The following PPM1J variants were observed in gnomAD, a reference collection of about 807,000 sequenced individuals.
PPM1J encodes protein phosphatase 1J.
PPM1J carries 43 observed loss-of-function variants against 53.3 expected under a neutral mutation model. That is an observed-to-expected ratio of 0.81 (90% confidence interval 0.63 to 1.04). PPM1J has a LOEUF of 1.04. Ranked by LOEUF, PPM1J falls within the 50% of genes least tolerant of loss-of-function variation. The probability of loss-of-function intolerance (pLI) is 0.00; values close to 1 mark genes in which losing one functional copy is unlikely to be tolerated. For synonymous variants in PPM1J, 267 were observed against 286.4 expected, an observed-to-expected ratio of 0.93 and a Z score of 0.68; for missense variants, 635 against 685.9, an observed-to-expected ratio of 0.93 and a Z score of 0.83.
intron 7 of PPM1J, 47 bp from the exon 8 acceptor site, chr1:112,710,898 C>A: frequency 3.1e-6 from 5 of 1,601,638 alleles, no homozygotes; most frequent in Non-Finnish European, 4.3e-6. Context: ...CTGCTAGATT[C>A]TCTGAAACCA....
chr1:112,712,300 A>G, intron 4 of PPM1J, 45 bp downstream of exon 4: 1 of 1,421,656 alleles, frequency 7.0e-7, no homozygotes, highest in Non-Finnish European at 9.7e-7. Flanking sequence ...CCCAACTCAG[A>G]GAGTGTGGCC....
chr1:112,711,245 C>G (rs1426627441), intron 6 of PPM1J, 21 bp downstream of exon 6: 1 of 1,581,400 alleles, frequency 6.3e-7, no homozygotes, highest in South Asian at 1.1e-5. Context: ...GAACGGGCCC[C>G]AGCTCTGAGG....
rs1257540905 is a variant in PPM1J at position 112,711,305 on chromosome 1, C to G, written c.1007G>C (p.Gly336Ala). ...FPRRVLPKEL[G>A]QRMLYRDQNM... ...CTGGTCCCGGTACAACATCCTCTGC[C>G]CCAGCTCCTTGGGCAGAACTCTGCG... The change falls in exon 6 of 10, where the codon GGG (glycine) becomes GCG (alanine). Residue 336 changes from glycine (G) to alanine (A), a missense_variant. Transcript: ENST00000309276. The G allele has an allele frequency of 6.2e-7, 1 of 1,608,004 alleles. No individual in the cohort carries two copies. Among genetic ancestry groups the G allele is most frequent in the East Asian group, 2.2e-5 (1 of 44,660 alleles).
chr1:112,713,637 G>A (rs748099124), intron 1 of PPM1J, 26 bp from the exon 2 acceptor site: 8 of 1,565,132 alleles, frequency 5.1e-6, no homozygotes, highest in Non-Finnish European at 7.0e-6. Context: ...GACCACATCA[G>A]GTTGGACACC....
Position 112,715,165 on chromosome 1 carries a change from G to A in PPM1J, c.137C>T (p.Pro46Leu), listed in dbSNP as rs1255505247. The A allele has an allele frequency of 9.2e-6, 14 of 1,523,212 alleles. 1 individual carries two copies. In the South Asian group the frequency reaches 1.7e-4, roughly 19 times the overall value. 94.4% of individuals were successfully genotyped at this position (1,523,212 alleles called of 1,614,324 possible). ...GCTCCCGCTCCCAGCCTTCGCGGGA[G>A]GGCTCCTGGGCGCTTCTGGAGCGGC... ...PAAAPEAPRSPPAKAGSGSAT... is the reference protein window; with the variant it reads ...PAAAPEAPRSLPAKAGSGSAT... Residue 46 changes from proline to leucine, a missense_variant, in exon 1 of 10, where the codon CCT becomes CTT. Coordinates refer to ENST00000309276, the MANE Select transcript of PPM1J (RefSeq NM_005167.7). This position sits in a 1 kb window ranked among gnomAD's most constrained non-coding sequence, Gnocchi z 4.4.
Position 112,710,553 on chromosome 1 carries a change from C to T in PPM1J, c.1277G>A (p.Gly426Glu), listed in dbSNP as rs1391823572. 1 of 1,614,210 alleles carries T rather than the reference C, an allele frequency of 6.2e-7. No individual in the cohort carries two copies. Among genetic ancestry groups the T allele is most frequent in the Admixed American group, 1.7e-5 (1 of 60,036 alleles). ...EHCPDDVLVL[G>E]TDGLWDVTTD... ...AGTGACATCCCACAGGCCATCTGTT[C>T]CCAGGACTAGCACATCATCTGGGCA... Residue 426 changes from glycine (G) to glutamate (E), a missense_variant, in exon 9 of 10, where the codon GGA becomes GAA. Physicochemically the swap from Gly to Glu is moderately conservative, Grantham distance 98. Transcript: ENST00000309276.
chr1:112,710,344 A>G, intron 9 of PPM1J, 34 bp from the exon 10 acceptor site: 2 of 1,613,042 alleles, frequency 1.2e-6, no homozygotes, highest in East Asian at 2.2e-5. Context: ...TCATGTACCA[A>G]CATGTATGTG....
rs764445903 is a variant in PPM1J at position 112,710,568 on chromosome 1, T to A, written c.1262A>T (p.Asp421Val). ...GCCATCTGTTCCCAGGACTAGCACA[T>A]CATCTGGGCAGTGCTCATATTGTGT... is the stretch of plus-strand genomic sequence containing the variant. ...DLTQYEHCPD[D>V]VLVLGTDGLW... Residue 421 changes from aspartate to valine, a missense_variant, in exon 9 of 10, where the codon GAT (aspartate) becomes GTT (valine). Coordinates refer to ENST00000309276, the MANE Select transcript of PPM1J (RefSeq NM_005167.7). The A allele has an allele frequency of 6.2e-7, 1 of 1,614,104 alleles. No individual in the cohort carries two copies. Among genetic ancestry groups the A allele is most frequent in the East Asian group, 2.2e-5 (1 of 44,882 alleles).
chr1:112,712,507 C>T lies in PPM1J; in HGVS notation c.730-50G>A, dbSNP rs368286437. 6.7e-6 allele frequency: 10 copies of T among 1,496,172 alleles called. No homozygotes were observed. In the South Asian group the frequency reaches 1.2e-4, roughly 17 times the overall value. The allele number at this position is 1,496,172 out of a possible 1,614,324, so 92.7% of individuals were successfully genotyped here. Reference sequence around the variant, plus strand: ...GTGGGTAGAAGGAGAGGTTCCAGCACACAGTCACCCTCCCCCTACCCCCTC... The same window carrying T: ...GTGGGTAGAAGGAGAGGTTCCAGCATACAGTCACCCTCCCCCTACCCCCTC... On this transcript the variant is annotated intron_variant, in intron 3 of 9. Transcript: ENST00000309276.
rs1321512560 is a variant in PPM1J, at chr1:112,710,183, C to G, written c.1498G>C (p.Gly500Arg). 6.4e-7 allele frequency: 1 copy of G among 1,571,702 alleles called. No individual in the cohort carries two copies. The highest frequency in any genetic ancestry group is 1.2e-5 in the South Asian group (1 of 85,432). ...GCCCCTCAGGAGTAACTGCCTGGCC[C>G]TCCCAGGGGGATGACGAAGACAGAG... ...DISVFVIPLG[G>R]PGSYS The change falls in exon 10 of 10, where the codon GGG (glycine) becomes CGG (arginine). Residue 500 changes from glycine (G) to arginine (R), a missense_variant. Transcript: ENST00000309276.
In PPM1J at chr1:112,710,624, AAGGGC is replaced by A. The variant is rs1319639784; in HGVS notation, c.1219-18_1219-14del. 1 of 1,613,914 alleles carries A rather than the reference AAGGGC, an allele frequency of 6.2e-7. No individual in the cohort carries two copies. The highest frequency in any genetic ancestry group is 8.5e-7 in the Non-Finnish European group (1 of 1,179,970). Reference sequence around the variant, plus strand: ...CATACACTCGTACCTGGTGGGAGAAAAGGGCAGAGAGGATTGAGGTGTGGGGTTTG... The same window carrying A: ...CATACACTCGTACCTGGTGGGAGAAAAGAGAGGATTGAGGTGTGGGGTTTG... On this transcript the variant is annotated splice_polypyrimidine_tract_variant and intron_variant, in intron 8 of 9. Coordinates refer to ENST00000309276, the MANE Select transcript of PPM1J (RefSeq NM_005167.7).
chr1:112,713,106 GT>G, intron 2 of PPM1J, 75 bp from the exon 3 acceptor site: 5 of 1,280,220 alleles, frequency 3.9e-6, no homozygotes, highest in Non-Finnish European at 5.3e-6. Context: ...GTTATGCAAG[GT>G]GAATAACAAG....
rs1570845354 is a variant in PPM1J at position 112,715,291 on chromosome 1, C to A, written c.11G>T (p.Arg4Leu). The change falls in exon 1 of 10, where the codon CGG becomes CTG. Residue 4 changes from arginine to leucine, a missense_variant. By Grantham distance (102) the Arg-to-Leu change is moderately radical. Coordinates refer to ENST00000309276, the MANE Select transcript of PPM1J (RefSeq NM_005167.7). The surrounding 1 kb of genome is among the most constrained non-coding windows in gnomAD (Gnocchi z 4.4). ...CAGGTGCGCCACGGCCGAGCGCACC[C>A]GGTTTAGCATGCTGCCTCCCTGCCC... MLN[R>L]VRSAVAHLVS... 7.7e-7 allele frequency: 1 copy of A among 1,306,680 alleles called. No homozygotes were observed. The highest frequency in any genetic ancestry group is 9.7e-7 in the Non-Finnish European group (1 of 1,030,240). 80.9% of individuals were successfully genotyped at this position (1,306,680 alleles called of 1,614,324 possible).
In PPM1J at chr1:112,710,991, T is replaced by A; in HGVS notation, c.1110+17A>T. 1.9e-6 allele frequency: 3 copies of A among 1,612,064 alleles called. No homozygotes were observed. Among genetic ancestry groups the A allele is most frequent in the Non-Finnish European group, 1.7e-6 (2 of 1,178,204 alleles). On this transcript the variant is annotated intron_variant, in intron 7 of 9. Coordinates refer to ENST00000309276, the MANE Select transcript of PPM1J (RefSeq NM_005167.7). ...ATAGGTCCTCCTCCCCTCTCCCACCTCTACCATGGAGTTTACCTTTTTGCC... is the reference window on the plus strand; with the variant it reads ...ATAGGTCCTCCTCCCCTCTCCCACCACTACCATGGAGTTTACCTTTTTGCC...
chr1:112,714,799 C>A (rs768229602), intron 1 of PPM1J, 177 bp downstream of exon 1: 151 of 1,270,594 alleles, frequency 1.2e-4, no homozygotes, highest in Non-Finnish European at 1.4e-4. Flanking sequence ...CTGCCCCCCA[C>A]TGGAAAATGG....
chr1:112,713,487 T>C lies in PPM1J; in HGVS notation c.441+10A>G, dbSNP rs1214211053. On this transcript the variant is annotated intron_variant, in intron 2 of 9. Coordinates refer to ENST00000309276, the MANE Select transcript of PPM1J (RefSeq NM_005167.7). ...GTCACTGTGTCTCTGGGAAAGGGGA[T>C]GGGTCTTACCTGGCCTCGGCTAGGC... The C allele has an allele frequency of 6.3e-7, 1 of 1,588,724 alleles. No individual in the cohort carries two copies. Among genetic ancestry groups the C allele is most frequent in the Non-Finnish European group, 8.6e-7 (1 of 1,157,268 alleles).
In PPM1J at chr1:112,711,370, T is replaced by C; in HGVS notation, c.942A>G (p.Pro314=). 3 of 1,601,500 alleles carry C rather than the reference T, an allele frequency of 1.9e-6. No individual in the cohort carries two copies. Among genetic ancestry groups the C allele is most frequent in the Non-Finnish European group, 1.7e-6 (2 of 1,173,472 alleles). Reference sequence around the variant, plus strand: ...GGGTGAATTCACTGCCTAGCAGCTCTGGTTTCAGGAAGCCCTGGAGTTGGG... The same window carrying C: ...GGGTGAATTCACTGCCTAGCAGCTCCGGTTTCAGGAAGCCCTGGAGTTGGG... The part of the protein sequence containing the change: ...QRLQLLGFLK[P]ELLGSEFTHL... Residue 314 remains proline (P), a synonymous_variant, in exon 6 of 10, where the codon CCA becomes CCG. Transcript: ENST00000309276.
Position 112,711,252 on chromosome 1 carries a change from G to A in PPM1J, c.1046+14C>T. On this transcript the variant is annotated intron_variant, in intron 6 of 9. Transcript: ENST00000309276. ...TGCCATGGGAACGGGCCCCAGCTCT[G>A]AGGGAAGTGTTACCAGCCGGTCATG... 2 of 1,591,694 alleles carry A rather than the reference G, an allele frequency of 1.3e-6. No individual in the cohort carries two copies. The highest frequency in any genetic ancestry group is 1.3e-5 in the African/African-American group (1 of 74,556).
Position 112,714,970 on chromosome 1 carries a change from G to A in PPM1J, c.326+6C>T, listed in dbSNP as rs1570844836. On this transcript the variant is annotated splice_donor_region_variant and intron_variant, in intron 1 of 9. Coordinates refer to ENST00000309276, the MANE Select transcript of PPM1J (RefSeq NM_005167.7). ...TCCTGGTTTGGGTGCCCCAGGGGGC[G>A]CTCACTCGGCGTAGCCTGTGCTCCA... is the stretch of plus-strand genomic sequence containing the variant. 2 of 1,389,672 alleles carry A rather than the reference G, an allele frequency of 1.4e-6. No homozygotes were observed. The highest frequency in any genetic ancestry group is 3.0e-5 in the East Asian group (1 of 33,290). The allele number at this position is 1,389,672 out of a possible 1,614,324, so 86.1% of individuals were successfully genotyped here.
Sources: gnomAD v4.1 joint callset for allele counts on GRCh38, gnomAD v4.1.1 for gene constraint, Gnocchi (gnomAD v3.1) non-coding constraint, MANE v1.5 for transcripts, NCBI Gene and HGNC (gene_info 2026-07-23, HGNC 2026-07-21) for gene names.